Variants in AGBL4 observed in about 807,000 individuals in gnomAD.
The protein encoded by AGBL4 is AGBL carboxypeptidase 4, also known as cytosolic carboxypeptidase 6.
In AGBL4, 58 loss-of-function variants were observed where a neutral mutation model predicts 66.4. The observed-to-expected ratio is 0.87, with a 90% CI of 0.71 to 1.09. AGBL4 has a LOEUF of 1.09. Among genes scored for constraint, AGBL4 ranks in the 50% least tolerant of loss-of-function variants. The pLI, the probability that AGBL4 is intolerant of heterozygous loss-of-function variation, is 0.00. For missense variants in AGBL4, 579 were observed against 631.0 expected (o/e 0.92, Z 0.88); for synonymous variants, 234 against 222.9 (o/e 1.05, Z -0.44).
intron 6 of AGBL4, among the ~76,000 whole-genome samples, chr1:48,692,426 T>C (rs1646647037): frequency 1.3e-5 from 2 of 152,096 alleles, no homozygotes; most frequent in African/African-American, 4.8e-5. Flanking sequence ...GGAAAGGCTG[T>C]GCGCGCCTGT....
intron 1 of AGBL4, among the ~76,000 whole-genome samples, chr1:49,922,275 C>T (rs1046211988): frequency 5.9e-5 from 9 of 151,854 alleles, no homozygotes; most frequent in South Asian, 2.1e-4. Flanking sequence ...TTTTTACTCT[C>T]AATAAACTAG....
At chr1:48,684,827 G>C (rs1477468262) in intron 6 of AGBL4, among the ~76,000 whole-genome samples, 1 of 152,136 alleles carries the variant, frequency 6.6e-6, no homozygotes, top group Non-Finnish European at 1.5e-5. Context: ...CTAGACTATA[G>C]GAAATCTAAC....
At position 49,395,783 on chromosome 1, in the gene AGBL4, A is replaced by G. The variant is rs541908761; in HGVS notation, c.283-149919T>C. 2.6e-3 allele frequency among the ~76,000 whole-genome samples: 358 copies of G among 138,146 alleles called. 4 individuals carry two copies. The highest frequency in any genetic ancestry group is 9.4e-3 in the African/African-American group (341 of 36,340). The allele number at this position is 138,146 out of a possible 152,430, so 90.6% of individuals were successfully genotyped here. ...TATATACACATATATATACATGTGT[A>G]TATATGTATATATATACATATATAT... On this transcript the variant is annotated intron_variant, in intron 3 of 13. Transcript: ENST00000371839.
chr1:49,648,601 A>T (rs1421742445), intron 3 of AGBL4, among the ~76,000 whole-genome samples: 1 of 152,070 alleles, frequency 6.6e-6, no homozygotes, highest in Non-Finnish European at 1.5e-5. Flanking sequence ...ATAAAGAAAA[A>T]TCCAAAAAGA....
At chr1:48,803,490 G>A (rs909528946) in intron 6 of AGBL4, among the ~76,000 whole-genome samples, 3 of 152,152 alleles carry the variant, frequency 2.0e-5, no homozygotes, top group Non-Finnish European at 4.4e-5. Context: ...GCATTTTCCT[G>A]TCAATTTTTC....
chr1:49,622,640 A>AG (rs1645387721), intron 3 of AGBL4, among the ~76,000 whole-genome samples: 1 of 150,464 alleles, frequency 6.6e-6, no homozygotes, highest in East Asian at 1.9e-4. Flanking sequence ...AAAAAAAAAA[A>AG]AAAAAAAAAA....
intron 5 of AGBL4, among the ~76,000 whole-genome samples, chr1:48,920,250 C>G (rs1040783667): frequency 4.6e-5 from 7 of 152,148 alleles, no homozygotes; most frequent in Non-Finnish European, 8.8e-5. Context: ...ACTTTGGTTT[C>G]CTCATCTGTA....
chr1:49,391,000 G>A (rs977949387), intron 3 of AGBL4, among the ~76,000 whole-genome samples: 6 of 152,158 alleles, frequency 3.9e-5, no homozygotes, highest in African/African-American at 1.4e-4. Flanking sequence ...ATGCTGAGCT[G>A]AGTCTTAAAG....
the AGBL4 span, among the ~76,000 whole-genome samples, chr1:48,526,254 G>T: frequency 6.6e-6 from 1 of 152,172 alleles, no homozygotes; most frequent in Admixed American, 6.5e-5. Context: ...ACACAAAAAG[G>T]AGGAGGGGAG....
intron 5 of AGBL4, among the ~76,000 whole-genome samples, chr1:48,868,870 T>C (rs1648374066): frequency 6.6e-6 from 1 of 152,180 alleles, no homozygotes; most frequent in Non-Finnish European, 1.5e-5. Context: ...TGCTTCCTGA[T>C]GACACAATCA....
At chr1:49,252,312 G>A (rs942033274) in intron 3 of AGBL4, among the ~76,000 whole-genome samples, 3 of 152,090 alleles carry the variant, frequency 2.0e-5, no homozygotes, top group South Asian at 4.2e-4. Context: ...GATTCTCAGA[G>A]CCTGAAGACT....
At chr1:49,941,050 C>T (rs1281672890) in intron 1 of AGBL4, among the ~76,000 whole-genome samples, 1 of 151,978 alleles carries the variant, frequency 6.6e-6, no homozygotes. Context: ...TATGAGCCAA[C>T]AAATTGGATA....
At chr1:49,619,945 C>G (rs1645325693) in intron 3 of AGBL4, among the ~76,000 whole-genome samples, 1 of 152,156 alleles carries the variant, frequency 6.6e-6, no homozygotes, top group Non-Finnish European at 1.5e-5. Context: ...TGGACCCCTT[C>G]CCTACATCTT....
At chr1:49,900,598 C>T (rs1388028907) in intron 1 of AGBL4, among the ~76,000 whole-genome samples, 2 of 152,084 alleles carry the variant, frequency 1.3e-5, no homozygotes, top group African/African-American at 2.4e-5. Context: ...TTCATTTTCC[C>T]CACACTCTTC....
intron 1 of AGBL4, among the ~76,000 whole-genome samples, chr1:49,873,620 G>C (rs1452990007): frequency 6.6e-6 from 1 of 151,920 alleles, no homozygotes; most frequent in Non-Finnish European, 1.5e-5. Flanking sequence ...AAACATAATT[G>C]ACTATTCTCC....
Position 49,638,141 on chromosome 1 carries a change from G to A in AGBL4, c.282+59172C>T, listed in dbSNP as rs565119938. Among the ~76,000 whole-genome samples the A allele has an allele frequency of 1.3e-4, 20 of 152,216 alleles. 1 individual carries two copies. Among genetic ancestry groups the A allele is most frequent in the South Asian group, 4.1e-4 (2 of 4,822 alleles). ...AGTATGGACTCAGGATTCCCTGAAC[G>A]CTATCTATGATCCCAACATCCCAAC... On this transcript the variant is annotated intron_variant, in intron 3 of 13. Transcript: ENST00000371839.
chr1:49,995,607 T>C lies in AGBL4; in HGVS notation c.34+28156A>G, dbSNP rs369565801. On this transcript the variant is annotated intron_variant, in intron 1 of 13. Coordinates refer to ENST00000371839, the MANE Select transcript of AGBL4 (RefSeq NM_032785.4). ...AGAACATAGTCTCTTGGGAACTCTA[T>C]GCCCCAAACCACAGCCTGAGACACC... 6.0e-4 allele frequency: 149 copies of C among 250,048 alleles called. 2 individuals carry two copies. In the South Asian group the frequency reaches 6.6e-3, roughly 11 times the overall value. 15.5% of individuals were successfully genotyped at this position (250,048 alleles called of 1,614,324 possible). A position where few individuals can be genotyped will look rare whatever the true frequency, so the allele number is the denominator to read the frequency against.
intron 4 of AGBL4, among the ~76,000 whole-genome samples, chr1:49,207,547 T>TTTCTTTCTTTCTTTCTTTCTTTC (rs1648297636): frequency 2.0e-5 from 2 of 98,024 alleles, no homozygotes; most frequent in African/African-American, 8.9e-5. Context: ...CTTTCTTTTC[T>TTTCTTTCTTTCTTTCTTTCTTTC]TTCTTTCTTT....
At chr1:48,530,798 C>CT (rs1376712364), downstream of AGBL4, among the ~76,000 whole-genome samples, 1 of 152,186 alleles carries the variant, frequency 6.6e-6, no homozygotes, top group Non-Finnish European at 1.5e-5. Flanking sequence ...CTCACCCCTA[C>CT]TTTTTGCATA....
Sources: allele counts gnomAD v4.1 joint callset (sites outside exome capture counted in the v4.1 genomes callset), GRCh38; gene constraint gnomAD v4.1.1; transcripts MANE v1.5; gene names NCBI Gene and HGNC (gene_info 2026-07-23, HGNC 2026-07-21).